The following FRMD3 variants were observed in gnomAD, a reference collection of about 807,000 sequenced individuals.
FRMD3 encodes FERM domain containing 3, also known as FERM domain-containing protein 3.
FRMD3 carries 33 observed loss-of-function variants against 70.2 expected under a neutral mutation model. The observed-to-expected ratio is 0.47, with a 90% CI of 0.36 to 0.63. The LOEUF is 0.63. Ranked by LOEUF, FRMD3 falls within the 20% of genes least tolerant of loss-of-function variation. The pLI is 0.00. For missense variants in FRMD3, 632 were observed against 711.4 expected (o/e 0.89, Z 1.27); for synonymous variants, 279 against 255.9 (o/e 1.09, Z -0.86).
intron 1 of FRMD3, among the ~76,000 whole-genome samples, chr9:83,427,333 C>T (rs1826840478): frequency 6.6e-6 from 1 of 152,176 alleles, no homozygotes; most frequent in African/African-American, 2.4e-5. Flanking sequence ...GTCACAATAA[C>T]CCAAGAGGTT....
chr9:83,341,611 A>G (rs1484284223), intron 5 of FRMD3, among the ~76,000 whole-genome samples: 1 of 152,084 alleles, frequency 6.6e-6, no homozygotes, highest in Non-Finnish European at 1.5e-5. Flanking sequence ...TTTCACTCCA[A>G]GGTAAGAGAG....
intron 12 of FRMD3, among the ~76,000 whole-genome samples, chr9:83,291,667 G>C (rs1163709026): frequency 6.6e-6 from 1 of 151,680 alleles, no homozygotes; most frequent in Non-Finnish European, 1.5e-5. Context: ...TCTAGTTATT[G>C]GTGTACTGAT....
chr9:83,481,471 C>A (rs1828565864), intron 1 of FRMD3, among the ~76,000 whole-genome samples: 2 of 152,152 alleles, frequency 1.3e-5, no homozygotes, highest in South Asian at 4.1e-4. Context: ...AGGCTATCAT[C>A]CACATAAAGG....
At chr9:83,454,138 T>C (rs1260235787) in intron 1 of FRMD3, among the ~76,000 whole-genome samples, 1 of 152,248 alleles carries the variant, frequency 6.6e-6, no homozygotes, top group Admixed American at 6.5e-5. Flanking sequence ...AATAATAGCA[T>C]GTTATTCATT....
At chr9:83,534,801 C>T (rs938579470) in intron 1 of FRMD3, among the ~76,000 whole-genome samples, 1 of 152,150 alleles carries the variant, frequency 6.6e-6, no homozygotes, top group Non-Finnish European at 1.5e-5. Flanking sequence ...TGTGGGATTC[C>T]AATCAGCTCT....
rs374278481 is a variant in FRMD3 at position 83,342,689 on chromosome 9, A to G, written c.472+501T>C. 4.0e-3 allele frequency among the ~76,000 whole-genome samples: 544 copies of G among 135,884 alleles called. 3 individuals are homozygous for G. Among genetic ancestry groups the G allele is most frequent in the African/African-American group, 0.01 (369 of 36,776 alleles). 89.1% of individuals were successfully genotyped at this position (135,884 alleles called of 152,430 possible). A position where few individuals can be genotyped will look rare whatever the true frequency, so the allele number is the denominator to read the frequency against. ...AGGATGGATGGATGGATGGATGGATAGATTAGATAGATAGATAGATAGATA... is the reference window on the plus strand; with the variant it reads ...AGGATGGATGGATGGATGGATGGATGGATTAGATAGATAGATAGATAGATA... On this transcript the variant is annotated intron_variant, in intron 5 of 13. Transcript: ENST00000304195.
intron 12 of FRMD3, among the ~76,000 whole-genome samples, chr9:83,298,526 C>T (rs367784431): frequency 2.4e-4 from 37 of 152,320 alleles, no homozygotes; most frequent in Admixed American, 7.2e-4. Flanking sequence ...GTTAAGGTGA[C>T]GCTCCAGACC....
chr9:83,308,923 C>T lies in FRMD3; in HGVS notation c.926+613G>A, dbSNP rs1203571736. 2.6e-5 allele frequency among the ~76,000 whole-genome samples: 4 copies of T among 152,232 alleles called. No individual in the cohort carries two copies. In the East Asian group the frequency reaches 7.7e-4, roughly 29 times the overall value. On this transcript the variant is annotated intron_variant, in intron 10 of 13. Transcript: ENST00000304195. ...AGAGTATTAATTCTGGCCCCCAAAGCAGGCTTCAACCAAAATAAATGGCGA... is the reference window on the plus strand; with the variant it reads ...AGAGTATTAATTCTGGCCCCCAAAGTAGGCTTCAACCAAAATAAATGGCGA...
At chr9:83,473,942 A>T (rs537265805) in intron 1 of FRMD3, among the ~76,000 whole-genome samples, 23 of 152,356 alleles carry the variant, frequency 1.5e-4, no homozygotes, top group African/African-American at 5.0e-4. Context: ...TGCTGAGGTT[A>T]ACAACTTCTG....
chr9:83,529,551 C>A (rs935313766), intron 1 of FRMD3, among the ~76,000 whole-genome samples: 3 of 152,166 alleles, frequency 2.0e-5, no homozygotes, highest in African/African-American at 7.2e-5. Context: ...AACTATAAAA[C>A]TGTTTAATGA....
the FRMD3 span, among the ~76,000 whole-genome samples, chr9:83,578,908 A>G: frequency 1.3e-5 from 2 of 152,066 alleles, no homozygotes; most frequent in Non-Finnish European, 2.9e-5. Context: ...ATGATCATAT[A>G]TATAGAAAAT....
At chr9:83,379,884 C>T (rs1825303954) in intron 2 of FRMD3, among the ~76,000 whole-genome samples, 1 of 152,106 alleles carries the variant, frequency 6.6e-6, no homozygotes, top group Admixed American at 6.5e-5. Flanking sequence ...CCAGAACTCC[C>T]CTATGAGATT....
At chr9:83,326,295 T>C (rs1018898335) in intron 6 of FRMD3, among the ~76,000 whole-genome samples, 1 of 152,162 alleles carries the variant, frequency 6.6e-6, no homozygotes, top group Non-Finnish European at 1.5e-5. Context: ...GCCCTACATA[T>C]GGCTGAAGTC....
chr9:83,523,153 AGGATGGATGGATGGATGGATGGAT>A (rs144992070), intron 1 of FRMD3, among the ~76,000 whole-genome samples: 2 of 149,584 alleles, frequency 1.3e-5, no homozygotes, highest in Non-Finnish European at 3.0e-5. Context: ...GAATGGATGG[AGGATGGATGGATGGATGGATGGAT>A]GGATGGATGG....
At chr9:83,480,381 A>T (rs1047449813) in intron 1 of FRMD3, among the ~76,000 whole-genome samples, 2 of 152,198 alleles carry the variant, frequency 1.3e-5, no homozygotes, top group African/African-American at 4.8e-5. Context: ...AATCAAAGAT[A>T]TTCTGGAAAG....
chr9:83,377,930 A>G (rs1198592782), intron 2 of FRMD3, among the ~76,000 whole-genome samples: 1 of 152,168 alleles, frequency 6.6e-6, no homozygotes, highest in African/African-American at 2.4e-5. Flanking sequence ...AATTAGCCTG[A>G]ATGAGTTCAT....
intron 1 of FRMD3, among the ~76,000 whole-genome samples, chr9:83,463,945 C>T (rs1828047115): frequency 1.3e-5 from 2 of 152,166 alleles, no homozygotes; most frequent in Admixed American, 1.3e-4. Flanking sequence ...ATTGATTCAG[C>T]CTCTTCCTCC....
At chr9:83,387,143 G>A (rs1313793555) in intron 2 of FRMD3, among the ~76,000 whole-genome samples, 1 of 152,056 alleles carries the variant, frequency 6.6e-6, no homozygotes, top group Non-Finnish European at 1.5e-5. Flanking sequence ...TTAAACTTTT[G>A]CACACTAATT....
At chr9:83,418,147 G>C (rs550045047) in intron 1 of FRMD3, among the ~76,000 whole-genome samples, 2 of 151,750 alleles carry the variant, frequency 1.3e-5, no homozygotes, top group Admixed American at 1.3e-4. Flanking sequence ...TAGAAAGAAG[G>C]GGACATATTC....
Sources: allele counts gnomAD v4.1 joint callset (sites outside exome capture counted in the v4.1 genomes callset), GRCh38; gene constraint gnomAD v4.1.1; transcripts MANE v1.5; gene names NCBI Gene and HGNC (gene_info 2026-07-23, HGNC 2026-07-21).